PCDH15: variants seen among roughly 807,000 people sequenced by gnomAD.
PCDH15 encodes the protein protocadherin related 15.
Under a neutral mutation model 178.5 loss-of-function variants are expected in PCDH15, and 129 were observed. That is an observed-to-expected ratio of 0.72 (90% CI 0.63 to 0.84). The LOEUF (loss-of-function observed/expected upper bound fraction) is 0.84. PCDH15 is among the 40% of genes least tolerant of loss of function. PCDH15 has a pLI of 0.00. For missense variants in PCDH15, 2,230 were observed against 2,099.9 expected (o/e 1.06, Z -1.21); for synonymous variants, 800 against 732.0 (o/e 1.09, Z -1.50).
intron 21 of PCDH15, among the ~76,000 whole-genome samples, chr10:53,978,209 C>T (rs962570768): frequency 5.3e-5 from 8 of 152,192 alleles, no homozygotes; most frequent in African/African-American, 1.9e-4. Context: ...AGAGGTTCTC[C>T]ATGAGAATTC....
At chr10:55,019,711 C>G (rs1369728329) in intron 2 of PCDH15, among the ~76,000 whole-genome samples, 1 of 152,166 alleles carries the variant, frequency 6.6e-6, no homozygotes, top group African/African-American at 2.4e-5. Flanking sequence ...ATTTGTCAGT[C>G]TGAAAGTAGA....
At chr10:53,995,944 A>G (rs187464709) in intron 20 of PCDH15, among the ~76,000 whole-genome samples, 179 bp from the exon 21 acceptor site, 61 of 152,210 alleles carry the variant, frequency 4.0e-4, no homozygotes, top group Admixed American at 1.0e-3. Context: ...CAGAGTTCTC[A>G]TACAATATTA....
intron 20 of PCDH15, among the ~76,000 whole-genome samples, chr10:54,016,335 A>G (rs1426902897): frequency 6.6e-6 from 1 of 152,122 alleles, no homozygotes; most frequent in Non-Finnish European, 1.5e-5. Context: ...CAAGGACCTC[A>G]AAGCAAAATG....
At chr10:54,134,579 C>T (rs1379692499) in intron 14 of PCDH15, among the ~76,000 whole-genome samples, 3 of 151,398 alleles carry the variant, frequency 2.0e-5, no homozygotes, top group East Asian at 2.0e-4. Context: ...TGGTGAAAGC[C>T]GGTCTCTACT....
At chr10:54,269,907 G>A (rs993650450) in intron 8 of PCDH15, among the ~76,000 whole-genome samples, 6 of 151,892 alleles carry the variant, frequency 4.0e-5, no homozygotes, top group African/African-American at 1.2e-4. Flanking sequence ...AATGTTAAAT[G>A]ATACACATAA....
At chr10:55,083,553 G>T (rs1237968918) in intron 2 of PCDH15, among the ~76,000 whole-genome samples, 1 of 151,722 alleles carries the variant, frequency 6.6e-6, no homozygotes, top group Admixed American at 6.6e-5. Flanking sequence ...AATACTAGAA[G>T]TCCTAATTAG....
chr10:54,263,835 T>C (rs1443244971), intron 8 of PCDH15, among the ~76,000 whole-genome samples: 3 of 152,044 alleles, frequency 2.0e-5, no homozygotes, highest in African/African-American at 7.2e-5. Context: ...CCAAAGGAGA[T>C]TAACATTTGA....
intron 1 of PCDH15, among the ~76,000 whole-genome samples, chr10:54,688,965 A>G (rs1591065467): frequency 6.6e-6 from 1 of 152,120 alleles, no homozygotes; most frequent in Admixed American, 6.6e-5. Context: ...CCTAAAAATT[A>G]GATAACTTAA....
chr10:53,924,960 C>A (rs2133917773), intron 25 of PCDH15, among the ~76,000 whole-genome samples: 1 of 152,244 alleles, frequency 6.6e-6, no homozygotes, highest in Non-Finnish European at 1.5e-5. Flanking sequence ...TGTAAACGCA[C>A]CAATCAGCAC....
At chr10:54,380,078 T>A (rs1032748334) in intron 3 of PCDH15, among the ~76,000 whole-genome samples, 4 of 152,088 alleles carry the variant, frequency 2.6e-5, no homozygotes, top group Non-Finnish European at 5.9e-5. Flanking sequence ...TCTCAGTAAT[T>A]TAATAATAAC....
At chr10:54,040,674 T>C (rs546829249) in intron 18 of PCDH15, among the ~76,000 whole-genome samples, 3 of 152,108 alleles carry the variant, frequency 2.0e-5, no homozygotes, top group Admixed American at 2.0e-4. Context: ...TAAAGGGTAC[T>C]TGTTTAGGAA....
intron 14 of PCDH15, among the ~76,000 whole-genome samples, chr10:54,150,772 T>C (rs2044451745): frequency 6.6e-6 from 1 of 150,796 alleles, no homozygotes; most frequent in South Asian, 2.1e-4. Context: ...TCTTGTGTTT[T>C]TATTTGTTTC....
intron 3 of PCDH15, among the ~76,000 whole-genome samples, chr10:54,840,537 GA>G (rs1332125086): frequency 6.6e-6 from 1 of 151,386 alleles, no homozygotes; most frequent in Non-Finnish European, 1.5e-5. Context: ...AGGAACAAAG[GA>G]AGTATAAAAC....
chr10:54,828,345 G>A (rs1953164432), intron 3 of PCDH15, among the ~76,000 whole-genome samples: 1 of 151,850 alleles, frequency 6.6e-6, no homozygotes. Context: ...TGAAAATTGA[G>A]GATGTTGATA....
chr10:55,040,798 G>T (rs1840847720), intron 2 of PCDH15, among the ~76,000 whole-genome samples: 3 of 151,904 alleles, frequency 2.0e-5, no homozygotes, highest in Admixed American at 2.0e-4. Flanking sequence ...TAACACTAAA[G>T]TAAATTAATT....
intron 6 of PCDH15, among the ~76,000 whole-genome samples, chr10:54,340,976 C>A (rs1942116808): frequency 6.6e-6 from 1 of 152,174 alleles, no homozygotes; most frequent in South Asian, 2.1e-4. Flanking sequence ...CCCTCTTGCC[C>A]AACTTCTAAG....
intron 3 of PCDH15, among the ~76,000 whole-genome samples, chr10:54,422,826 A>G (rs1341117331): frequency 6.6e-6 from 1 of 152,204 alleles, no homozygotes; most frequent in Non-Finnish European, 1.5e-5. Flanking sequence ...AGAGAACTCC[A>G]GTTCTGAAAA....
chr10:55,288,693 A>C (rs1842934736), intron 1 of PCDH15, among the ~76,000 whole-genome samples: 1 of 151,974 alleles, frequency 6.6e-6, no homozygotes, highest in Non-Finnish European at 1.5e-5. Flanking sequence ...CCATGTCGTT[A>C]CAAATTGCAG....
chr10:54,969,960 C>G (rs985486350), intron 2 of PCDH15, among the ~76,000 whole-genome samples: 27 of 152,118 alleles, frequency 1.8e-4, no homozygotes, highest in African/African-American at 6.0e-4. Context: ...TTTTTGCAAG[C>G]CTTCCTATGG....
Sources: gnomAD v4.1 joint callset for allele counts (sites outside exome capture counted in the v4.1 genomes callset) on GRCh38, gnomAD v4.1.1 for gene constraint, MANE v1.5 for transcripts, NCBI Gene and HGNC (gene_info 2026-07-23, HGNC 2026-07-21) for gene names.